Variants in ERC1 observed in about 807,000 individuals in gnomAD.
ERC1 encodes RAB6 interacting protein 2.
A neutral mutation model predicts 132.0 loss-of-function variants in ERC1; 56 were observed. That is an observed-to-expected ratio of 0.42 (90% CI 0.34 to 0.53). The LOEUF (loss-of-function observed/expected upper bound fraction) is 0.53. Among genes scored for constraint, ERC1 ranks in the 20% least tolerant of loss-of-function variants. The probability of loss-of-function intolerance (pLI) is 0.03; values close to 1 mark genes in which losing one functional copy is unlikely to be tolerated. For missense variants in ERC1, 1,202 were observed against 1,349.9 expected (o/e 0.89, Z 1.72); for synonymous variants, 478 against 476.1 (o/e 1.00, Z -0.05).
chr12:1,449,714 A>C (rs2093381857), intron 18 of ERC1, among the ~76,000 whole-genome samples: 1 of 152,136 alleles, frequency 6.6e-6, no homozygotes, highest in South Asian at 2.1e-4. Context: ...TCTTGTAGAG[A>C]ACATATATCA....
intron 12 of ERC1, among the ~76,000 whole-genome samples, chr12:1,219,635 C>CTTTTT (rs775838825): frequency 0.066 from 9,304 of 140,562 alleles, 625 homozygotes; most frequent in African/African-American, 0.16. Flanking sequence ...ACTGAACTCT[C>CTTTTT]TTTTTTTTTT....
At chr12:1,346,739 G>A (rs967207161) in intron 15 of ERC1, among the ~76,000 whole-genome samples, 3 of 151,404 alleles carry the variant, frequency 2.0e-5, no homozygotes, top group Non-Finnish European at 4.4e-5. Context: ...TCAGGAGATC[G>A]AGACCATCCT....
chr12:1,445,958 C>G (rs1304755068), intron 18 of ERC1, among the ~76,000 whole-genome samples: 1 of 152,094 alleles, frequency 6.6e-6, no homozygotes, highest in Non-Finnish European at 1.5e-5. Context: ...AGATCAGGGC[C>G]CCAGCATGGT....
chr12:1,472,582 A>G (rs977034385), intron 18 of ERC1, among the ~76,000 whole-genome samples: 1 of 151,772 alleles, frequency 6.6e-6, no homozygotes, highest in African/African-American at 2.4e-5. Context: ...CCCAAGAGGT[A>G]GAGATTGCAG....
chr12:1,208,029 A>G (rs1435622599), intron 12 of ERC1, among the ~76,000 whole-genome samples: 2 of 152,160 alleles, frequency 1.3e-5, no homozygotes, highest in African/African-American at 4.8e-5. Flanking sequence ...ACAGTTTGAC[A>G]CTGTTAAAAA....
chr12:1,097,807 C>G (rs1944232352), intron 3 of ERC1, among the ~76,000 whole-genome samples: 1 of 151,782 alleles, frequency 6.6e-6, no homozygotes, highest in South Asian at 2.1e-4. Flanking sequence ...CTCTGCCCCC[C>G]AGGTTCAAGC....
At chr12:1,368,965 T>A (rs2086917868) in intron 15 of ERC1, among the ~76,000 whole-genome samples, 1 of 152,184 alleles carries the variant, frequency 6.6e-6, no homozygotes, top group Non-Finnish European at 1.5e-5. Flanking sequence ...AAAGACATGA[T>A]GATCTGTTAG....
chr12:1,273,368 G>A (rs1566451940), intron 14 of ERC1, among the ~76,000 whole-genome samples: 1 of 152,126 alleles, frequency 6.6e-6, no homozygotes, highest in African/African-American at 2.4e-5. Flanking sequence ...GTCAGATACG[G>A]TTTCTAAATA....
chr12:1,108,391 G>T (rs578057579), intron 4 of ERC1, among the ~76,000 whole-genome samples: 1 of 152,246 alleles, frequency 6.6e-6, no homozygotes, highest in Non-Finnish European at 1.5e-5. Context: ...TTCTTACCTG[G>T]GACTAAATTG....
At chr12:1,130,627 A>G (rs1477926967) in intron 7 of ERC1, among the ~76,000 whole-genome samples, 5 of 69,196 alleles carry the variant, frequency 7.2e-5, no homozygotes, top group East Asian at 5.5e-4. Flanking sequence ...TGCGAAACGT[A>G]TAGTCTTTTT....
chr12:1,133,240 A>T (rs929200478), intron 7 of ERC1, among the ~76,000 whole-genome samples: 1 of 152,028 alleles, frequency 6.6e-6, no homozygotes, highest in African/African-American at 2.4e-5. Context: ...AATATATAGT[A>T]TACAAAATAC....
chr12:1,330,453 A>G (rs2082779408), intron 15 of ERC1, among the ~76,000 whole-genome samples: 1 of 152,092 alleles, frequency 6.6e-6, no homozygotes, highest in South Asian at 2.1e-4. Context: ...TATTATTATT[A>G]TTATTATTAT....
At chr12:1,069,249 C>G (rs1043515302) in intron 2 of ERC1, among the ~76,000 whole-genome samples, 1 of 152,092 alleles carries the variant, frequency 6.6e-6, no homozygotes, top group African/African-American at 2.4e-5. Context: ...TATCAAGGTT[C>G]CTTAGATAGA....
intron 16 of ERC1, among the ~76,000 whole-genome samples, chr12:1,383,914 A>C (rs2089011191): frequency 6.6e-6 from 1 of 152,198 alleles, no homozygotes; most frequent in African/African-American, 2.4e-5. Context: ...AAGTGGAGTT[A>C]TCCTCATTTT....
At chr12:1,489,615 A>C (rs1028796987) in intron 18 of ERC1, among the ~76,000 whole-genome samples, 5 of 152,256 alleles carry the variant, frequency 3.3e-5, no homozygotes, top group African/African-American at 4.8e-5. Flanking sequence ...TGTGTTTCTC[A>C]AAGTAATCTC....
In ERC1 at chr12:1,493,551, ATATAT is replaced by A. The variant is rs1565554175; in HGVS notation, c.*3322_*3326del. The A allele has an allele frequency of 1.7e-4, 14 of 83,466 alleles. No homozygotes were observed. The South Asian group carries it at 1.8e-3, about 11-fold the overall frequency. The allele number at this position is 83,466 out of a possible 1,614,324, so 5.2% of individuals were successfully genotyped here. ...CCATTTAAAAAAAAAAAAAAAAAATATATATATATATATATATATATATATATGGA... is the reference window on the plus strand; with the variant it reads ...CCATTTAAAAAAAAAAAAAAAAAATAATATATATATATATATATATATGGA... On this transcript the variant is annotated 3_prime_UTR_variant, in exon 19 of 19. Transcript: ENST00000360905.
In ERC1 at chr12:1,484,079, G is replaced by A. The variant is rs1207684744; in HGVS notation, c.3214-6014G>A. ...CCAGCACTTTGGGAGGCTGAGGCGG[G>A]CGGATCACGAGGTCAGGAGATCAAG... On this transcript the variant is annotated intron_variant, in intron 18 of 18. Coordinates refer to ENST00000360905, the MANE Select transcript of ERC1 (RefSeq NM_178040.4). Among the ~76,000 whole-genome samples the A allele has an allele frequency of 4.6e-5, 7 of 151,656 alleles. No homozygotes were observed. The East Asian group carries it at 1.4e-3, about 30-fold the overall frequency.
intron 15 of ERC1, among the ~76,000 whole-genome samples, chr12:1,328,318 T>C (rs2082605767): frequency 6.6e-6 from 1 of 152,092 alleles, no homozygotes; most frequent in Non-Finnish European, 1.5e-5. Context: ...AGCTTAATTT[T>C]TTTTTGTTAG....
At chr12:1,184,997 G>A (rs1357232561) in intron 11 of ERC1, among the ~76,000 whole-genome samples, 4 of 152,126 alleles carry the variant, frequency 2.6e-5, no homozygotes, top group African/African-American at 9.7e-5. Context: ...TGCAACCTCC[G>A]CCTCCCGGTC....
Sources: gnomAD v4.1 joint callset for allele counts (sites outside exome capture counted in the v4.1 genomes callset) on GRCh38, gnomAD v4.1.1 for gene constraint, MANE v1.5 for transcripts, NCBI Gene and HGNC (gene_info 2026-07-23, HGNC 2026-07-21) for gene names.